The following DCTN2 variants were observed in gnomAD, a reference collection of about 807,000 sequenced individuals.
DCTN2 encodes the protein 50 kDa dynein-associated polypeptide.
In DCTN2, 18 loss-of-function variants were observed where a neutral mutation model predicts 55.4. That is an observed-to-expected ratio of 0.32 (90% CI 0.22 to 0.48). The LOEUF is 0.48. Ranked by LOEUF, DCTN2 falls within the 20% of genes least tolerant of loss-of-function variation. The probability of loss-of-function intolerance (pLI) is 0.99; values close to 1 mark genes in which losing one functional copy is unlikely to be tolerated. For synonymous variants in DCTN2, 168 were observed against 185.2 expected, an observed-to-expected ratio of 0.91 and a Z score of 0.76; for missense variants, 390 against 491.0, an observed-to-expected ratio of 0.79 and a Z score of 1.94.
intron 2 of DCTN2, chr12:57,536,227 C>G: frequency 4.6e-6 from 1 of 217,832 alleles, no homozygotes; most frequent in Non-Finnish European, 9.2e-6. Context: ...AAATCTTGCC[C>G]GCTGAGCAAG....
At chr12:57,544,525 C>G (rs1346044786) in intron 2 of DCTN2, among the ~76,000 whole-genome samples, 5 of 151,594 alleles carry the variant, frequency 3.3e-5, no homozygotes, top group Admixed American at 6.6e-5. Context: ...AGCAATTCTC[C>G]TGCCTCAGCC....
chr12:57,546,583 C>T (rs1313491143), intron 1 of DCTN2, among the ~76,000 whole-genome samples: 2 of 151,860 alleles, frequency 1.3e-5, no homozygotes, highest in Non-Finnish European at 2.9e-5. Flanking sequence ...TAGGTTCCCT[C>T]AAGGATAGAG....
chr12:57,545,726 G>A (rs1442701597), intron 2 of DCTN2, among the ~76,000 whole-genome samples: 1 of 152,118 alleles, frequency 6.6e-6, no homozygotes, highest in East Asian at 1.9e-4. Flanking sequence ...GAACCCAGGG[G>A]CCTAAGTCAC....
Position 57,547,184 on chromosome 12 carries a change from G to T in DCTN2, c.-121C>A, listed in dbSNP as rs1881252966. ...CGGCGGCAAAGGGAGCGGCAGATGAGCAGGAAGTCTCGCGACAGCAGTAGC... is the reference window on the plus strand; with the variant it reads ...CGGCGGCAAAGGGAGCGGCAGATGATCAGGAAGTCTCGCGACAGCAGTAGC... On this transcript the variant is annotated 5_prime_UTR_variant, in exon 1 of 14. Transcript: ENST00000548249. The T allele has an allele frequency of 1.3e-6, 1 of 790,380 alleles. No homozygotes were observed. The highest frequency in any genetic ancestry group is 1.7e-6 in the Non-Finnish European group (1 of 578,142). The allele number at this position is 790,380 out of a possible 1,614,324, so 49.0% of individuals were successfully genotyped here. A position where few individuals can be genotyped will look rare whatever the true frequency, so the allele number is the denominator to read the frequency against.
intron 2 of DCTN2, among the ~76,000 whole-genome samples, chr12:57,537,871 G>C (rs954035137): frequency 6.6e-6 from 1 of 152,078 alleles, no homozygotes; most frequent in Non-Finnish European, 1.5e-5. Context: ...TTATCAACTG[G>C]GAAGGGCTCA....
Position 57,535,533 on chromosome 12 carries a change from C to T in DCTN2, c.215G>A (p.Arg72His), listed in dbSNP as rs186969666. ...TCCTGTCCTCTTGGTTTTTCCAATA[C>T]GATCTGAGAAATCTGCCAAGAAAAG... ...VGTKGLDFSD[R>H]IGKTKRTGYE... Residue 72 changes from arginine (R) to histidine (H), a missense_variant, in exon 4 of 14, where the codon CGT (arginine) becomes CAT (histidine). Physicochemically the swap from Arg to His is conservative, Grantham distance 29. Coordinates refer to ENST00000548249, the MANE Select transcript of DCTN2 (RefSeq NM_001261413.2). The T allele has an allele frequency of 6.0e-5, 97 of 1,613,986 alleles. No homozygotes were observed. Among genetic ancestry groups the T allele is most frequent in the Admixed American group, 2.3e-4 (14 of 60,018 alleles).
chr12:57,543,908 G>C (rs944432133), intron 2 of DCTN2: 1 of 1,042,120 alleles, frequency 9.6e-7, no homozygotes, highest in African/African-American at 1.6e-5. Flanking sequence ...TCAGGCTCTG[G>C]GGGAGAAACA....
At position 57,532,828 on chromosome 12, in the gene DCTN2, G is replaced by GA. The variant is rs1879866260; in HGVS notation, c.775-19dup. 1 of 1,613,862 alleles carries GA rather than the reference G, an allele frequency of 6.2e-7. No individual in the cohort carries two copies. The highest frequency in any genetic ancestry group is 8.5e-7 in the Non-Finnish European group (1 of 1,179,824). ...ACAGTCTCCTGGGGATGGAAGTTGG[G>GA]ACAAGCATCATGAAGAGGAAAGGCA... On this transcript the variant is annotated intron_variant, in intron 9 of 13. Transcript: ENST00000548249.
Position 57,535,825 on chromosome 12 carries a change from A to C in DCTN2, c.126T>G (p.Ser42Arg). 1.2e-6 allele frequency: 2 copies of C among 1,613,648 alleles called. No homozygotes were observed. Among genetic ancestry groups the C allele is most frequent in the Non-Finnish European group, 1.7e-6 (2 of 1,179,744 alleles). Residue 42 changes from serine (S) to arginine (R), a missense_variant, in exon 3 of 14, where the codon AGT becomes AGG. Physicochemically the swap from Ser to Arg is moderately radical, Grantham distance 110 (BLOSUM62 -1). Coordinates refer to ENST00000548249, the MANE Select transcript of DCTN2 (RefSeq NM_001261413.2). ...TAGGATTGACAATGATGTGTTCCACACTTGTGCTTGTCAGCTCCTCCTGCA... is the reference window on the plus strand; with the variant it reads ...TAGGATTGACAATGATGTGTTCCACCCTTGTGCTTGTCAGCTCCTCCTGCA... Reference protein sequence around the residue: ...EFDAEELTSTSVEHIIVNPNA... With the variant: ...EFDAEELTSTRVEHIIVNPNA...
chr12:57,546,947 G>C, intron 1 of DCTN2, 81 bp downstream of exon 1: 1 of 1,129,330 alleles, frequency 8.9e-7, no homozygotes, highest in South Asian at 4.2e-5. Flanking sequence ...AGGCGGGAGG[G>C]GTCGCGGGCT....
Position 57,539,824 on chromosome 12 carries a change from C to T in DCTN2, c.106-3979G>A, listed in dbSNP as rs192092909. ...GGTGGATCACTTGAGGTCAGGAGTT[C>T]GAGACCAGCCTGGCCACCATGGTGA... On this transcript the variant is annotated intron_variant, in intron 2 of 13. Coordinates refer to ENST00000548249, the MANE Select transcript of DCTN2 (RefSeq NM_001261413.2). 2.3e-3 allele frequency among the ~76,000 whole-genome samples: 357 copies of T among 152,112 alleles called. 2 individuals carry two copies. The highest frequency in any genetic ancestry group is 8.3e-3 in the African/African-American group (346 of 41,474).
At position 57,547,123 on chromosome 12, in the gene DCTN2, G is replaced by T; in HGVS notation, c.-60C>A. ...CGGTGGAGCCGGGGCCGGTGTTCGG[G>T]TAGGGGAGAGGCTGGGTTCGGGTCC... On this transcript the variant is annotated 5_prime_UTR_variant, in exon 1 of 14. Coordinates refer to ENST00000548249, the MANE Select transcript of DCTN2 (RefSeq NM_001261413.2). 1 of 1,238,674 alleles carries T rather than the reference G, an allele frequency of 8.1e-7. No homozygotes were observed. The highest frequency in any genetic ancestry group is 1.0e-6 in the Non-Finnish European group (1 of 977,362). The allele number at this position is 1,238,674 out of a possible 1,614,324, so 76.7% of individuals were successfully genotyped here.
intron 1 of DCTN2, 44 bp from the exon 2 acceptor site, chr12:57,546,140 C>A (rs896657127): frequency 6.5e-7 from 1 of 1,549,526 alleles, no homozygotes; most frequent in Admixed American, 1.7e-5. Flanking sequence ...TACCCAGCAT[C>A]CAACAACACC....
At chr12:57,530,941 A>G (rs1222298423) in intron 13 of DCTN2, among the ~76,000 whole-genome samples, 166 bp from the exon 14 acceptor site, 1 of 152,236 alleles carries the variant, frequency 6.6e-6, no homozygotes, top group Non-Finnish European at 1.5e-5. Context: ...CTTAGAGTAC[A>G]TAGACCACGC....
rs184350409 is a variant in DCTN2, at chr12:57,544,771, C to T, written c.105+1257G>A. Among the ~76,000 whole-genome samples the T allele has an allele frequency of 1.3e-4, 20 of 152,154 alleles. No individual in the cohort carries two copies. In the East Asian group the frequency reaches 3.5e-3, roughly 26 times the overall value. ...TTTGGAACCCATAAATACAGAGAACCGATTGTATACACTCCTATTCTGTGA... is the reference window on the plus strand; with the variant it reads ...TTTGGAACCCATAAATACAGAGAACTGATTGTATACACTCCTATTCTGTGA... On this transcript the variant is annotated intron_variant, in intron 2 of 13. Transcript: ENST00000548249.
Position 57,530,720 on chromosome 12 carries a change from A to C in DCTN2, c.1175T>G (p.Ile392Ser). ...LATVEGNFAS[I>S]DERMKKLGK Reference sequence around the variant, plus strand: ...TCCCAGCTTCTTCATCCGTTCATCAATGCTGGCAAAGTTCCCCTCAACTGT... The same window carrying C: ...TCCCAGCTTCTTCATCCGTTCATCACTGCTGGCAAAGTTCCCCTCAACTGT... The change falls in exon 14 of 14, where the codon ATT (isoleucine) becomes AGT (serine). Residue 392 changes from isoleucine to serine, a missense_variant. Ile to Ser is a moderately radical substitution (Grantham distance 142, BLOSUM62 -2). Coordinates refer to ENST00000548249, the MANE Select transcript of DCTN2 (RefSeq NM_001261413.2). 1.9e-6 allele frequency: 3 copies of C among 1,613,928 alleles called. No homozygotes were observed. The highest frequency in any genetic ancestry group is 2.5e-6 in the Non-Finnish European group (3 of 1,179,844).
intron 1 of DCTN2, 65 bp downstream of exon 1, chr12:57,546,963 C>A (rs1881223457): frequency 8.2e-7 from 1 of 1,221,480 alleles, no homozygotes; most frequent in Non-Finnish European, 1.0e-6. Flanking sequence ...GGGCTGGTTT[C>A]TGCTGGGGGT....
At chr12:57,544,345 T>A (rs1448783149) in intron 2 of DCTN2, among the ~76,000 whole-genome samples, 3 of 152,184 alleles carry the variant, frequency 2.0e-5, no homozygotes. Flanking sequence ...AAATACCTAG[T>A]ACAATGTAAA....
At chr12:57,539,383 G>A (rs530425208) in intron 2 of DCTN2, among the ~76,000 whole-genome samples, 1 of 152,360 alleles carries the variant, frequency 6.6e-6, no homozygotes, top group East Asian at 1.9e-4. Flanking sequence ...ACTAGCACAT[G>A]TGCAGAACAT....
Sources: gnomAD v4.1 joint callset for allele counts (sites outside exome capture counted in the v4.1 genomes callset) on GRCh38, gnomAD v4.1.1 for gene constraint, MANE v1.5 for transcripts, NCBI Gene and HGNC (gene_info 2026-07-23, HGNC 2026-07-21) for gene names.